Variants in ZCWPW2 observed in about 807,000 individuals in gnomAD.
ZCWPW2 encodes zinc finger CW-type PWWP domain protein 2.
ZCWPW2 carries 45 observed loss-of-function variants against 46.6 expected under a neutral mutation model. The observed-to-expected ratio is 0.96, with a 90% CI of 0.76 to 1.24. The LOEUF (loss-of-function observed/expected upper bound fraction) is 1.24. Ranked by LOEUF, ZCWPW2 falls within the 50% of genes most tolerant of loss-of-function variation. The pLI is 0.00. For synonymous variants in ZCWPW2, 152 were observed against 137.1 expected (o/e 1.11, Z -0.76); for missense variants, 429 against 403.9 (o/e 1.06, Z -0.53).
At chr3:28,394,089 A>T (rs1575084124) in intron 2 of ZCWPW2, among the ~76,000 whole-genome samples, 1 of 152,276 alleles carries the variant, frequency 6.6e-6, no homozygotes, top group East Asian at 1.9e-4. Context: ...GATACAGGTT[A>T]TAAAATAAAT....
rs1407838286 is a variant in ZCWPW2, at chr3:28,502,938, CT to C, written c.657+10767del. Among the ~76,000 whole-genome samples the C allele has an allele frequency of 7.2e-5, 11 of 152,172 alleles. 1 individual carries two copies. Among genetic ancestry groups the C allele is most frequent in the Admixed American group, 2.0e-4 (3 of 15,250 alleles). On this transcript the variant is annotated intron_variant, in intron 6 of 9. Transcript: ENST00000383768. ...TGTGATTTTCTCTAGTCGTTTAAAA[CT>C]TGTTTTCATCCTTATTACTAAAAAG...
At chr3:28,357,797 T>TTTTATATA (rs1553627833) in intron 1 of ZCWPW2, among the ~76,000 whole-genome samples, 1 of 140,426 alleles carries the variant, frequency 7.1e-6, no homozygotes, top group African/African-American at 2.7e-5. Context: ...TTGGTATATT[T>TTTTATATA]TATATATATA....
chr3:28,362,089 C>T (rs773642087), intron 1 of ZCWPW2, among the ~76,000 whole-genome samples: 2 of 151,974 alleles, frequency 1.3e-5, no homozygotes, highest in Non-Finnish European at 2.9e-5. Flanking sequence ...TCATTGCAGT[C>T]GCTCACAGTG....
At chr3:28,394,228 A>G (rs1226664497) in intron 2 of ZCWPW2, among the ~76,000 whole-genome samples, 1 of 152,126 alleles carries the variant, frequency 6.6e-6, no homozygotes, top group African/African-American at 2.4e-5. Flanking sequence ...GAGATGAGAG[A>G]TCTGTACACT....
intron 3 of ZCWPW2, among the ~76,000 whole-genome samples, chr3:28,430,578 C>T (rs1697214677): frequency 6.6e-6 from 1 of 152,124 alleles, no homozygotes; most frequent in Non-Finnish European, 1.5e-5. Flanking sequence ...AATGTGAGGA[C>T]ATGAGATTTG....
intron 4 of ZCWPW2, among the ~76,000 whole-genome samples, chr3:28,457,938 A>G (rs1379498478): frequency 6.6e-6 from 1 of 151,718 alleles, no homozygotes; most frequent in Non-Finnish European, 1.5e-5. Flanking sequence ...TGGTGATTTA[A>G]GTTTTTAACT....
rs139176550 is a variant in ZCWPW2, at chr3:28,358,181, C to T, written c.-134+8978C>T. 2.5e-3 allele frequency among the ~76,000 whole-genome samples: 377 copies of T among 152,102 alleles called. 1 individual carries two copies. Among genetic ancestry groups the T allele is most frequent in the African/African-American group, 8.3e-3 (344 of 41,518 alleles). Reference sequence around the variant, plus strand: ...TCGTTTAAAAATTTTTTTCTTCCAACACATTCTTTATATTCATTTCAAAGT... The same window carrying T: ...TCGTTTAAAAATTTTTTTCTTCCAATACATTCTTTATATTCATTTCAAAGT... On this transcript the variant is annotated intron_variant, in intron 1 of 9. Transcript: ENST00000383768.
chr3:28,379,421 G>C (rs544023258), intron 1 of ZCWPW2, among the ~76,000 whole-genome samples: 21 of 152,046 alleles, frequency 1.4e-4, no homozygotes, highest in Non-Finnish European at 2.9e-4. Context: ...AATTGCTGAG[G>C]TTAAAACAAA....
chr3:28,420,012 C>T (rs1052585011), intron 3 of ZCWPW2, among the ~76,000 whole-genome samples: 12 of 148,246 alleles, frequency 8.1e-5, no homozygotes, highest in African/African-American at 1.5e-4. Context: ...CATCATGGCA[C>T]GTGTATACAT....
chr3:28,367,291 A>C (rs900911242), intron 1 of ZCWPW2, among the ~76,000 whole-genome samples: 2 of 152,148 alleles, frequency 1.3e-5, no homozygotes, highest in African/African-American at 4.8e-5. Context: ...CAGTGCTATA[A>C]ATTTCCCTCT....
intron 3 of ZCWPW2, among the ~76,000 whole-genome samples, chr3:28,430,975 G>T (rs1385187258): frequency 6.6e-6 from 1 of 152,170 alleles, no homozygotes; most frequent in Non-Finnish European, 1.5e-5. Context: ...AGCAGCATGA[G>T]AATGAACTAA....
At chr3:28,397,799 T>G (rs1011494225) in intron 2 of ZCWPW2, among the ~76,000 whole-genome samples, 18 of 152,264 alleles carry the variant, frequency 1.2e-4, no homozygotes, top group African/African-American at 4.3e-4. Context: ...AAGCTATACA[T>G]ACCTATAATA....
At chr3:28,379,420 G>T (rs1705599990) in intron 1 of ZCWPW2, among the ~76,000 whole-genome samples, 1 of 152,096 alleles carries the variant, frequency 6.6e-6, no homozygotes, top group Non-Finnish European at 1.5e-5. Flanking sequence ...AAATTGCTGA[G>T]GTTAAAACAA....
chr3:28,363,975 A>T (rs1008621490), intron 1 of ZCWPW2, among the ~76,000 whole-genome samples: 1 of 152,074 alleles, frequency 6.6e-6, no homozygotes, highest in African/African-American at 2.4e-5. Context: ...CTCTATCTCA[A>T]ATTTCCTGTT....
At chr3:28,403,781 CAT>C (rs1696043039) in intron 2 of ZCWPW2, among the ~76,000 whole-genome samples, 1 of 151,912 alleles carries the variant, frequency 6.6e-6, no homozygotes, top group African/African-American at 2.4e-5. Flanking sequence ...GCAAAAAAAA[CAT>C]AAAGTGAGGA....
At chr3:28,447,786 G>C in intron 4 of ZCWPW2, 1 of 776,864 alleles carries the variant, frequency 1.3e-6, no homozygotes, top group South Asian at 1.3e-5. Context: ...AATAAAACTA[G>C]GCTTTCCTGA....
Position 28,478,943 on chromosome 3 carries a change from T to A in ZCWPW2, c.610+12T>A. The A allele has an allele frequency of 6.7e-7, 1 of 1,501,940 alleles. No homozygotes were observed. The highest frequency in any genetic ancestry group is 9.0e-7 in the Non-Finnish European group (1 of 1,110,192). 93.0% of individuals were successfully genotyped at this position (1,501,940 alleles called of 1,614,324 possible). A position where few individuals can be genotyped will look rare whatever the true frequency, so the allele number is the denominator to read the frequency against. ...ATCAAAACTACAAGGTGTATAAATA[T>A]TTTTTCTTTATTACTCTGAAATAAG... On this transcript the variant is annotated intron_variant, in intron 5 of 9. Coordinates refer to ENST00000383768, the MANE Select transcript of ZCWPW2 (RefSeq NM_001040432.4).
At chr3:28,384,104 T>C (rs2125712604) in intron 1 of ZCWPW2, among the ~76,000 whole-genome samples, 1 of 152,268 alleles carries the variant, frequency 6.6e-6, no homozygotes, top group East Asian at 1.9e-4. Flanking sequence ...ATTTGGGTAA[T>C]ACATTTCTGC....
intron 4 of ZCWPW2, among the ~76,000 whole-genome samples, chr3:28,440,495 A>T (rs13074633): frequency 0.22 from 33,467 of 152,178 alleles, 4,218 homozygotes; most frequent in Middle Eastern, 0.29. Flanking sequence ...AAACAGTACC[A>T]TATAATGGAT....
Sources: gnomAD v4.1 joint callset for allele counts (sites outside exome capture counted in the v4.1 genomes callset) on GRCh38, gnomAD v4.1.1 for gene constraint, MANE v1.5 for transcripts, NCBI Gene and HGNC (gene_info 2026-07-23, HGNC 2026-07-21) for gene names.